Variants in POLN observed in about 807,000 individuals in gnomAD.
The protein encoded by POLN is DNA polymerase nu.
A neutral mutation model predicts 113.5 loss-of-function variants in POLN; 108 were observed. That is an observed-to-expected ratio of 0.95 (90% CI 0.81 to 1.12). POLN has a LOEUF of 1.12. Ranked by LOEUF, POLN falls within the 50% of genes most tolerant of loss-of-function variation. The pLI, the probability that POLN is intolerant of heterozygous loss-of-function variation, is 0.00. For synonymous variants in POLN, 386 were observed against 391.5 expected (o/e 0.99, Z 0.17); for missense variants, 1,097 against 1,077.1 (o/e 1.02, Z -0.26).
chr4:2,205,490 T>C (rs966836118), intron 5 of POLN, among the ~76,000 whole-genome samples: 8 of 152,196 alleles, frequency 5.3e-5, no homozygotes, highest in African/African-American at 1.9e-4. Context: ...GTAGAATCAA[T>C]ATTGTGAAAA....
intron 16 of POLN, among the ~76,000 whole-genome samples, chr4:2,147,638 C>CTCTTCTTTTTTT (rs1732178515): frequency 4.7e-5 from 1 of 21,124 alleles, no homozygotes; most frequent in Non-Finnish European, 2.1e-4. Flanking sequence ...TCCAGTTTTT[C>CTCTTCTTTTTTT]TTTTCTTTTT....
At chr4:2,174,439 A>T (rs906381837) in intron 10 of POLN, among the ~76,000 whole-genome samples, 1 of 152,048 alleles carries the variant, frequency 6.6e-6, no homozygotes, top group Non-Finnish European at 1.5e-5. Flanking sequence ...AGAGAAGCCT[A>T]CTCCTCCTTG....
At chr4:2,138,167 C>A (rs1435290511) in intron 16 of POLN, among the ~76,000 whole-genome samples, 1 of 152,186 alleles carries the variant, frequency 6.6e-6, no homozygotes, top group African/African-American at 2.4e-5. Context: ...ACAGTGCAAG[C>A]ACCCTGAACA....
intron 16 of POLN, among the ~76,000 whole-genome samples, chr4:2,142,000 C>G (rs1426069538): frequency 6.6e-6 from 1 of 152,174 alleles, no homozygotes; most frequent in African/African-American, 2.4e-5. Flanking sequence ...ATGCTCTCCC[C>G]CTCAGCACCT....
intron 19 of POLN, among the ~76,000 whole-genome samples, chr4:2,105,953 T>C (rs971583863): frequency 2.6e-5 from 4 of 152,124 alleles, no homozygotes; most frequent in Non-Finnish European, 5.9e-5. Context: ...CTCCCTAGTC[T>C]GTGGCCTTCT....
chr4:2,161,431 T>C (rs1482209872), intron 13 of POLN, among the ~76,000 whole-genome samples: 3 of 152,054 alleles, frequency 2.0e-5, no homozygotes, highest in Non-Finnish European at 4.4e-5. Flanking sequence ...CTGCGGAGGG[T>C]GTACTGGGTC....
In POLN at chr4:2,213,053, T is replaced by C; in HGVS notation, c.207A>G (p.Glu69=). 6.2e-7 allele frequency: 1 copy of C among 1,605,130 alleles called. No individual in the cohort carries two copies. ...CATATGTGCAATGATTTACCTTTTT[T>C]TCTGGTGATTGAGTCTTCCTGTCTT... ...QLEDRKTQSP[E]KKDLKSLRSQ... The change falls in exon 4 of 26, where the codon GAA becomes GAG. Residue 69 remains glutamate, a synonymous_variant. Transcript: ENST00000511885.
chr4:2,096,589 C>T (rs148651701), intron 19 of POLN, among the ~76,000 whole-genome samples: 174 of 151,798 alleles, frequency 1.1e-3, no homozygotes, highest in African/African-American at 2.7e-3. Context: ...CATGTACCCT[C>T]GGTGCCACCT....
At chr4:2,221,320 G>A (rs1260873304) in intron 3 of POLN, among the ~76,000 whole-genome samples, 2 of 152,072 alleles carry the variant, frequency 1.3e-5, no homozygotes, top group Non-Finnish European at 2.9e-5. Context: ...AGAGATAACT[G>A]TGAAAGGAAA....
chr4:2,163,430 G>C (rs1358656293), intron 13 of POLN, among the ~76,000 whole-genome samples: 1 of 152,220 alleles, frequency 6.6e-6, no homozygotes, highest in Non-Finnish European at 1.5e-5. Context: ...CACTAACCGT[G>C]TACAGAGCAC....
At chr4:2,106,695 G>T (rs1731074081) in intron 19 of POLN, among the ~76,000 whole-genome samples, 1 of 152,066 alleles carries the variant, frequency 6.6e-6, no homozygotes, top group Non-Finnish European at 1.5e-5. Flanking sequence ...TATACTAAAT[G>T]CTTATACATA....
chr4:2,153,602 G>C (rs1372424917), intron 16 of POLN, among the ~76,000 whole-genome samples: 1 of 132,164 alleles, frequency 7.6e-6, no homozygotes, highest in African/African-American at 2.8e-5. Context: ...TTTTTTTTTT[G>C]AGATGGAGTC....
At chr4:2,129,084 T>C in intron 18 of POLN, 95 bp downstream of exon 18, 3 of 862,476 alleles carry the variant, frequency 3.5e-6, no homozygotes, top group South Asian at 3.4e-5. Context: ...AAAGAATTTA[T>C]TTGAAAGAAT....
At chr4:2,230,448 A>G (rs1734539750) in intron 2 of POLN, 1 of 152,156 alleles carries the variant, frequency 6.6e-6, no homozygotes, top group African/African-American at 2.4e-5. Context: ...CTATTCCGAA[A>G]TAGAATAGAA....
chr4:2,101,671 T>C (rs1730928573), intron 19 of POLN, among the ~76,000 whole-genome samples: 1 of 152,242 alleles, frequency 6.6e-6, no homozygotes, highest in South Asian at 2.1e-4. Context: ...TTTAACAGAC[T>C]GTGTGGTGCC....
chr4:2,235,358 T>A (rs1425795729), intron 2 of POLN, among the ~76,000 whole-genome samples: 1 of 152,220 alleles, frequency 6.6e-6, no homozygotes, highest in Non-Finnish European at 1.5e-5. Context: ...GCTACTGTTT[T>A]AAAAACCACA....
At chr4:2,186,381 G>A (rs762839311) in intron 7 of POLN, among the ~76,000 whole-genome samples, 7 of 152,260 alleles carry the variant, frequency 4.6e-5, no homozygotes, top group African/African-American at 7.2e-5. Flanking sequence ...AGAAAGGCTG[G>A]TCAGTAGGAC....
At chr4:2,193,140 C>A (rs185018607) in intron 7 of POLN, 64 bp downstream of exon 7, 43 of 1,250,214 alleles carry the variant, frequency 3.4e-5, no homozygotes, top group Admixed American at 1.2e-4. Context: ...CACCATTCTC[C>A]CATTCATAGG....
At chr4:2,131,198 C>A (rs1301878399) in intron 17 of POLN, 35 bp downstream of exon 17, 1 of 1,456,250 alleles carries the variant, frequency 6.9e-7, no homozygotes, top group East Asian at 2.3e-5. Flanking sequence ...AGAGAGTTAC[C>A]AGAGACTTTA....
Sources: allele counts gnomAD v4.1 joint callset (sites outside exome capture counted in the v4.1 genomes callset), GRCh38; gene constraint gnomAD v4.1.1; transcripts MANE v1.5; gene names NCBI Gene and HGNC (gene_info 2026-07-23, HGNC 2026-07-21).